ANKH: variants seen among roughly 807,000 people sequenced by gnomAD.
The protein encoded by ANKH is ANKH inorganic pyrophosphate transport regulator, also known as mineralization regulator ANKH.
ANKH carries 15 observed loss-of-function variants against 49.0 expected under a neutral mutation model. That is an observed-to-expected ratio of 0.31 (90% CI 0.20 to 0.47). The LOEUF (loss-of-function observed/expected upper bound fraction) is 0.47. Among genes scored for constraint, ANKH ranks in the 20% least tolerant of loss-of-function variants. The pLI is 1.00. For synonymous variants in ANKH, 273 were observed against 260.0 expected, an observed-to-expected ratio of 1.05 and a Z score of -0.48; for missense variants, 429 against 652.0, an observed-to-expected ratio of 0.66 and a Z score of 3.72.
intron 3 of ANKH, among the ~76,000 whole-genome samples, chr5:14,758,004 C>T (rs1561041459): frequency 6.6e-6 from 1 of 152,194 alleles, no homozygotes; most frequent in Non-Finnish European, 1.5e-5. Flanking sequence ...GTCACAAGAA[C>T]CCAAAGGTGG....
At chr5:14,716,138 CCAAAGCTCCA>C (rs1168309818) in intron 9 of ANKH, among the ~76,000 whole-genome samples, 2 of 152,164 alleles carry the variant, frequency 1.3e-5, no homozygotes, top group African/African-American at 4.8e-5. Flanking sequence ...TTTATTGTCC[CCAAAGCTCCA>C]CATGCTATCC....
intron 9 of ANKH, among the ~76,000 whole-genome samples, chr5:14,716,239 C>A (rs116452229): frequency 0.1 from 15,442 of 152,166 alleles, 879 homozygotes; most frequent in African/African-American, 0.16. Flanking sequence ...CAGTGGCTCA[C>A]GCCTGTAATC....
intron 8 of ANKH, among the ~76,000 whole-genome samples, chr5:14,723,865 T>C (rs893707950): frequency 5.3e-5 from 8 of 152,226 alleles, no homozygotes; most frequent in Non-Finnish European, 1.2e-4. Flanking sequence ...TCCTCATTTC[T>C]TGAATCATAT....
chr5:14,713,838 T>C lies in ANKH; in HGVS notation c.1142-171A>G, dbSNP rs1290171613. ...TGCCAGGGTTCCCCATCCCTGCTCC[T>C]GAGCCTAGGCCCGCCTCGGCTCCCC... On this transcript the variant is annotated intron_variant, in intron 9 of 11. Coordinates refer to ENST00000284268, the MANE Select transcript of ANKH (RefSeq NM_054027.6). The surrounding 1 kb of genome is among the most constrained non-coding windows in gnomAD (Gnocchi z 4.4). Among the ~76,000 whole-genome samples the C allele has an allele frequency of 1.3e-5, 2 of 152,220 alleles. No homozygotes were observed. Among genetic ancestry groups the C allele is most frequent in the Non-Finnish European group, 2.9e-5 (2 of 68,022 alleles).
At chr5:14,863,253 A>T (rs892554699) in intron 1 of ANKH, among the ~76,000 whole-genome samples, 32 of 152,134 alleles carry the variant, frequency 2.1e-4, no homozygotes, top group African/African-American at 7.2e-4. Context: ...CACACCTAAG[A>T]GTCTCAAGAA....
chr5:14,843,940 A>G (rs1327581003), intron 1 of ANKH, among the ~76,000 whole-genome samples: 1 of 152,182 alleles, frequency 6.6e-6, no homozygotes, highest in Non-Finnish European at 1.5e-5. Flanking sequence ...CCAGGATATC[A>G]TATTTTTTTA....
At chr5:14,835,730 A>G (rs1241031278) in intron 1 of ANKH, among the ~76,000 whole-genome samples, 1 of 152,176 alleles carries the variant, frequency 6.6e-6, no homozygotes, top group African/African-American at 2.4e-5. Flanking sequence ...TATTCCAATC[A>G]ATAGAAAAAG....
intron 8 of ANKH, chr5:14,741,198 C>T (rs1357462036): frequency 6.6e-6 from 1 of 152,434 alleles, no homozygotes; most frequent in East Asian, 1.9e-4. Context: ...TGAACATTAT[C>T]AGTGTTCGCA....
At chr5:14,863,913 C>A (rs1320377195) in intron 1 of ANKH, among the ~76,000 whole-genome samples, 1 of 152,152 alleles carries the variant, frequency 6.6e-6, no homozygotes, top group Admixed American at 6.5e-5. Flanking sequence ...TCACACTGTA[C>A]CCTTTAAAAA....
At chr5:14,842,726 G>A (rs1473696509) in intron 1 of ANKH, among the ~76,000 whole-genome samples, 1 of 152,158 alleles carries the variant, frequency 6.6e-6, no homozygotes, top group Non-Finnish European at 1.5e-5. Flanking sequence ...GGGAGTGGGG[G>A]TTTTCTTCTA....
rs977519590 is a variant in ANKH at position 14,725,982 on chromosome 5, T to C, written c.1012-9147A>G. On this transcript the variant is annotated intron_variant, in intron 8 of 11. Transcript: ENST00000284268. This position sits in a 1 kb window ranked among gnomAD's most constrained non-coding sequence, Gnocchi z 4.0. ...CATTTTTAAATAAAACAGACCCCTG[T>C]AGATGTCTTCACGGATATCATCAAA... Among the ~76,000 whole-genome samples, 5 of 152,202 alleles carry C rather than the reference T, an allele frequency of 3.3e-5. 1 individual carries two copies. The South Asian group carries it at 8.3e-4, about 25-fold the overall frequency.
intron 1 of ANKH, among the ~76,000 whole-genome samples, chr5:14,851,976 A>G (rs1742133962): frequency 6.6e-6 from 1 of 152,254 alleles, no homozygotes; most frequent in Non-Finnish European, 1.5e-5. Context: ...ACATAGCTAT[A>G]ACACACTTAA....
chr5:14,863,670 C>T (rs1735567566), intron 1 of ANKH, among the ~76,000 whole-genome samples: 1 of 151,884 alleles, frequency 6.6e-6, no homozygotes, highest in Admixed American at 6.6e-5. Context: ...CTGATTTTTT[C>T]TTTTTTTAAT....
chr5:14,768,674 C>T (rs996821964), intron 2 of ANKH: 15 of 473,690 alleles, frequency 3.2e-5, no homozygotes, highest in East Asian at 1.2e-4. Flanking sequence ...ATATCTCTAA[C>T]GAAAGCACCT....
At chr5:14,824,492 C>G (rs533231437) in intron 1 of ANKH, among the ~76,000 whole-genome samples, 1 of 152,102 alleles carries the variant, frequency 6.6e-6, no homozygotes, top group East Asian at 1.9e-4. Flanking sequence ...GCTCAATGTC[C>G]CATAGAATCA....
At chr5:14,742,534 A>G (rs1561033416) in intron 7 of ANKH, among the ~76,000 whole-genome samples, 1 of 152,170 alleles carries the variant, frequency 6.6e-6, no homozygotes. Flanking sequence ...AAGGCCCATC[A>G]TCTTCACTGC....
At chr5:14,714,076 A>C (rs965648571) in intron 9 of ANKH, among the ~76,000 whole-genome samples, 6 of 152,280 alleles carry the variant, frequency 3.9e-5, no homozygotes, top group Non-Finnish European at 5.9e-5. Flanking sequence ...AGCTGGCATC[A>C]GAAGCCATCT....
At chr5:14,800,743 T>C (rs1482955742) in intron 1 of ANKH, among the ~76,000 whole-genome samples, 1 of 151,576 alleles carries the variant, frequency 6.6e-6, no homozygotes, top group African/African-American at 2.4e-5. Flanking sequence ...TTTTTTTTTT[T>C]TGAGACAGGG....
intron 1 of ANKH, among the ~76,000 whole-genome samples, chr5:14,840,738 A>G (rs1741792384): frequency 6.6e-6 from 1 of 152,234 alleles, no homozygotes. Flanking sequence ...AGGTTAAATG[A>G]GCTCTCCCTG....
Sources: gnomAD v4.1 joint callset for allele counts (sites outside exome capture counted in the v4.1 genomes callset) on GRCh38, gnomAD v4.1.1 for gene constraint, Gnocchi (gnomAD v3.1) non-coding constraint, MANE v1.5 for transcripts, NCBI Gene and HGNC (gene_info 2026-07-23, HGNC 2026-07-21) for gene names.